SNX25: variants seen among roughly 807,000 people sequenced by gnomAD.
The protein encoded by SNX25 is sorting nexin 25, also known as sorting nexin-25.
In SNX25, 62 loss-of-function variants were observed where a neutral mutation model predicts 113.7. That is an observed-to-expected ratio of 0.55 (90% confidence interval 0.44 to 0.67). The LOEUF is 0.67. SNX25 is among the 30% of genes least tolerant of loss of function. SNX25 has a pLI of 0.00. For missense variants in SNX25, 1,014 were observed against 1,161.0 expected, an observed-to-expected ratio of 0.87 and a Z score of 1.84; for synonymous variants, 421 against 436.2, an observed-to-expected ratio of 0.97 and a Z score of 0.43.
Position 185,332,728 on chromosome 4 carries a change from C to A in SNX25, c.1883C>A (p.Ser628Tyr), listed in dbSNP as rs1218593096. 6.2e-7 allele frequency: 1 copy of A among 1,613,738 alleles called. No homozygotes were observed. The highest frequency in any genetic ancestry group is 1.1e-5 in the South Asian group (1 of 91,026). The stretch of plus-strand genomic sequence containing the variant: ...GAATATAAAAGGCAAGCTCTAAATT[C>A]TATTCAAAATGCACCAAAACCTGAC... Reference protein sequence around the residue: ...KLEYKRQALNSIQNAPKPDKK... With the variant: ...KLEYKRQALNYIQNAPKPDKK... Residue 628 changes from serine to tyrosine, a missense_variant, in exon 10 of 19, where the codon TCT (serine) becomes TAT (tyrosine). Coordinates refer to ENST00000652585, the MANE Select transcript of SNX25 (RefSeq NM_001378034.2).
At chr4:185,356,817 G>A (rs921215556) in intron 15 of SNX25, among the ~76,000 whole-genome samples, 1 of 152,168 alleles carries the variant, frequency 6.6e-6, no homozygotes, top group Non-Finnish European at 1.5e-5. Context: ...TCAATAGATG[G>A]AGGTGAATAT....
chr4:185,243,904 G>T (rs1361679965), intron 1 of SNX25, among the ~76,000 whole-genome samples: 1 of 152,174 alleles, frequency 6.6e-6, no homozygotes, highest in East Asian at 1.9e-4. Flanking sequence ...CATATCCAAA[G>T]AATATGCTTC....
At chr4:185,372,650 C>A (rs1382216713), downstream of SNX25, among the ~76,000 whole-genome samples, 1 of 152,194 alleles carries the variant, frequency 6.6e-6, no homozygotes, top group African/African-American at 2.4e-5. Context: ...GAGAGCACCT[C>A]CCTCATGAAT....
At chr4:185,255,277 G>A (rs75878865) in intron 2 of SNX25, among the ~76,000 whole-genome samples, 36 of 152,110 alleles carry the variant, frequency 2.4e-4, no homozygotes, top group South Asian at 6.2e-4. Context: ...GGGATTACAG[G>A]CGCCTGCCAC....
chr4:185,236,034 A>T (rs2126430221), intron 1 of SNX25, among the ~76,000 whole-genome samples: 1 of 152,328 alleles, frequency 6.6e-6, no homozygotes, highest in South Asian at 2.1e-4. Flanking sequence ...CCTTGCAGGG[A>T]GCAGTCTGGT....
the SNX25 span, chr4:185,378,115 G>T: frequency 1.2e-6 from 2 of 1,613,572 alleles, no homozygotes; most frequent in South Asian, 1.1e-5. Context: ...AAAATTTTTG[G>T]TTTTTAGCAG....
intron 12 of SNX25, among the ~76,000 whole-genome samples, chr4:185,342,357 G>C (rs541742284): frequency 6.6e-6 from 1 of 152,322 alleles, no homozygotes; most frequent in East Asian, 1.9e-4. Context: ...AGCTGGAAGA[G>C]ACCTAAGGAT....
intron 6 of SNX25, among the ~76,000 whole-genome samples, chr4:185,306,047 C>T (rs1433321701): frequency 6.6e-6 from 1 of 152,182 alleles, no homozygotes; most frequent in Admixed American, 6.5e-5. Flanking sequence ...ACTTAACACT[C>T]TATAGAGAAA....
chr4:185,226,193 G>C (rs2030799), intron 1 of SNX25, among the ~76,000 whole-genome samples: 99,365 of 152,042 alleles, frequency 0.65, 32,569 homozygotes, highest in East Asian at 0.76. Flanking sequence ...GGCATTTTGA[G>C]TGAGAACCTA....
At position 185,260,129 on chromosome 4, in the gene SNX25, CT is replaced by C. The variant is rs35395652; in HGVS notation, c.731+1072del. The stretch of plus-strand genomic sequence containing the variant: ...TTTGTTACCTCTGATAACTTTGACA[CT>C]TTTTTTAACGTTTTTTTAAAAATAA... On this transcript the variant is annotated intron_variant, in intron 3 of 18. Transcript: ENST00000652585. 1.1e-3 allele frequency among the ~76,000 whole-genome samples: 161 copies of C among 152,202 alleles called. No individual in the cohort carries two copies. The East Asian group carries it at 0.013, about 13-fold the overall frequency.
chr4:185,353,492 C>G lies in SNX25; in HGVS notation c.2474C>G (p.Thr825Arg), dbSNP rs140168123. 2.2e-5 allele frequency: 35 copies of G among 1,613,212 alleles called. No individual in the cohort carries two copies. The highest frequency in any genetic ancestry group is 2.5e-5 in the Non-Finnish European group (30 of 1,179,408). Residue 825 changes from threonine (T) to arginine (R), a missense_variant, in exon 15 of 19, where the codon ACA becomes AGA. By Grantham distance (71) the Thr-to-Arg change is moderately conservative (BLOSUM62 -1). Coordinates refer to ENST00000652585, the MANE Select transcript of SNX25 (RefSeq NM_001378034.2). ...RDFFSHQEEE[T>R]EEDSDLSDYG... ...ACTTTGCTGTATTCCCAGGAGGAGA[C>G]AGAGGAGGACAGTGACCTGTCAGAT... is the stretch of plus-strand genomic sequence containing the variant.
chr4:185,247,881 G>A (rs1165106093), intron 2 of SNX25, among the ~76,000 whole-genome samples: 1 of 152,034 alleles, frequency 6.6e-6, no homozygotes, highest in Non-Finnish European at 1.5e-5. Context: ...ATAAATAAGT[G>A]TACTTTTAAA....
rs532646163 is a variant in SNX25 at position 185,292,242 on chromosome 4, T to A, written c.1162+4160T>A. Among the ~76,000 whole-genome samples the A allele has an allele frequency of 2.0e-5, 3 of 152,232 alleles. No homozygotes were observed. In the East Asian group the frequency reaches 5.8e-4, roughly 29 times the overall value. Reference sequence around the variant, plus strand: ...TCCATGGAATCAGTGCTCTCGGGTCTAGTAAGAATGAAGGGAAGCAGTGAC... The same window carrying A: ...TCCATGGAATCAGTGCTCTCGGGTCAAGTAAGAATGAAGGGAAGCAGTGAC... On this transcript the variant is annotated intron_variant, in intron 6 of 18. Coordinates refer to ENST00000652585, the MANE Select transcript of SNX25 (RefSeq NM_001378034.2).
At chr4:185,205,626 C>T (rs1295894010), upstream of SNX25, among the ~76,000 whole-genome samples, 1 of 152,060 alleles carries the variant, frequency 6.6e-6, no homozygotes, top group East Asian at 1.9e-4. Context: ...GTCAGGAGTT[C>T]CAGACCAGCC....
chr4:185,306,987 A>G (rs1457298607), intron 6 of SNX25, among the ~76,000 whole-genome samples: 1 of 152,198 alleles, frequency 6.6e-6, no homozygotes, highest in Non-Finnish European at 1.5e-5. Context: ...TTATTGAAGT[A>G]AATGAAAATG....
chr4:185,282,863 C>T (rs1371645823), intron 5 of SNX25, among the ~76,000 whole-genome samples: 2 of 152,198 alleles, frequency 1.3e-5, no homozygotes, highest in Non-Finnish European at 2.9e-5. Context: ...CTTGCAAAGT[C>T]GTATCCTCCT....
intron 2 of SNX25, among the ~76,000 whole-genome samples, chr4:185,248,669 A>G (rs1745197130): frequency 6.6e-6 from 1 of 152,206 alleles, no homozygotes; most frequent in Non-Finnish European, 1.5e-5. Flanking sequence ...AATGTACAGG[A>G]TTTATTCTTA....
In SNX25 at chr4:185,210,337, G is replaced by T. The variant is rs1413632931; in HGVS notation, c.429+82G>T. On this transcript the variant is annotated intron_variant, in intron 1 of 18. Transcript: ENST00000652585. This position sits in a 1 kb window ranked among gnomAD's most constrained non-coding sequence, Gnocchi z 4.4. ...AGCTCCCGCGCCCCGAGCTCCGGGG[G>T]GCCGCGGCATGCCCTTGTCGAAGCG... is the stretch of plus-strand genomic sequence containing the variant. 1.0e-6 allele frequency: 1 copy of T among 982,650 alleles called. No homozygotes were observed. The highest frequency in any genetic ancestry group is 1.2e-6 in the Non-Finnish European group (1 of 828,612). 60.9% of individuals were successfully genotyped at this position (982,650 alleles called of 1,614,324 possible).
intron 5 of SNX25, 55 bp downstream of exon 5, chr4:185,267,210 T>G: frequency 6.7e-7 from 1 of 1,483,386 alleles, no homozygotes; most frequent in Non-Finnish European, 9.2e-7. Flanking sequence ...ATCCCCTGCC[T>G]AGTTAGGTTA....
Sources: gnomAD v4.1 joint callset for allele counts (sites outside exome capture counted in the v4.1 genomes callset) on GRCh38, gnomAD v4.1.1 for gene constraint, Gnocchi (gnomAD v3.1) non-coding constraint, MANE v1.5 for transcripts, NCBI Gene and HGNC (gene_info 2026-07-23, HGNC 2026-07-21) for gene names.